TPCN1: variants seen among roughly 807,000 people sequenced by gnomAD.
The protein encoded by TPCN1 is two pore segment channel 1.
A neutral mutation model predicts 108.8 loss-of-function variants in TPCN1; 52 were observed. That is an observed-to-expected ratio of 0.48 (90% CI 0.38 to 0.60). The LOEUF (loss-of-function observed/expected upper bound fraction) is 0.60. Among genes scored for constraint, TPCN1 ranks in the 20% least tolerant of loss-of-function variants. The pLI is 0.00. For missense variants in TPCN1, 806 were observed against 1,072.8 expected (o/e 0.75, Z 3.47); for synonymous variants, 446 against 433.7 (o/e 1.03, Z -0.35).
At chr12:113,283,364 G>A (rs1460967481) in intron 15 of TPCN1, among the ~76,000 whole-genome samples, 1 of 152,148 alleles carries the variant, frequency 6.6e-6, no homozygotes, top group Non-Finnish European at 1.5e-5. Context: ...GCTGGGTGTG[G>A]TGGCTCACAC....
chr12:113,273,626 C>T lies in TPCN1; in HGVS notation c.900C>T (p.Phe300=), dbSNP rs1441184827. 6.2e-7 allele frequency: 1 copy of T among 1,614,214 alleles called. No individual in the cohort carries two copies. Among genetic ancestry groups the T allele is most frequent in the Non-Finnish European group, 8.5e-7 (1 of 1,180,024 alleles). Residue 300 remains phenylalanine (F), a synonymous_variant, in exon 10 of 28, where the codon TTC becomes TTT. Transcript: ENST00000335509. This position sits in a 1 kb window ranked among gnomAD's most constrained non-coding sequence, Gnocchi z 4.0. The part of the protein sequence containing the change: ...YSRNPWSCVF[F]IVYLSIELYF... ...GGAACCCCTGGTCCTGCGTCTTCTTCATCGTGTACCTCTCCATCGAGCTGT... is the reference window on the plus strand; with the variant it reads ...GGAACCCCTGGTCCTGCGTCTTCTTTATCGTGTACCTCTCCATCGAGCTGT...
rs1955373379 is a variant in TPCN1, at chr12:113,268,678, C to G, written c.529-64C>G. On this transcript the variant is annotated intron_variant, in intron 5 of 27. Coordinates refer to ENST00000335509, the MANE Select transcript of TPCN1 (RefSeq NM_017901.6). This position sits in a 1 kb window ranked among gnomAD's most constrained non-coding sequence, Gnocchi z 7.3. ...GGCACTGCCTCTCCAGCCCCCCGTT[C>G]CAGGTATGCAGGATGACGGCTGGGC... 6.3e-7 allele frequency: 1 copy of G among 1,594,520 alleles called. No homozygotes were observed. The highest frequency in any genetic ancestry group is 1.1e-5 in the South Asian group (1 of 89,670).
intron 2 of TPCN1, among the ~76,000 whole-genome samples, chr12:113,237,283 C>G (rs531811359): frequency 6.6e-6 from 1 of 151,142 alleles, no homozygotes; most frequent in Non-Finnish European, 1.5e-5. Flanking sequence ...ATTTTTCTCT[C>G]TGTGTCTGTC....
At chr12:113,277,174 C>A in intron 11 of TPCN1, 66 bp from the exon 12 acceptor site, 1 of 1,609,290 alleles carries the variant, frequency 6.2e-7, no homozygotes, top group South Asian at 1.1e-5. Context: ...TGGAGTGGAT[C>A]TGGAGTGGGT....
Position 113,272,885 on chromosome 12 carries a change from A to G in TPCN1, c.783+193A>G, listed in dbSNP as rs1277257201. Among the ~76,000 whole-genome samples, 1 of 152,120 alleles carries G rather than the reference A, an allele frequency of 6.6e-6. No homozygotes were observed. Among genetic ancestry groups the G allele is most frequent in the Non-Finnish European group, 1.5e-5 (1 of 68,034 alleles). On this transcript the variant is annotated intron_variant, in intron 8 of 27. Coordinates refer to ENST00000335509, the MANE Select transcript of TPCN1 (RefSeq NM_017901.6). This position sits in a 1 kb window ranked among gnomAD's most constrained non-coding sequence, Gnocchi z 4.1. ...CCACTTTCTTCCTTGAGAGCTGGGG[A>G]TCCCCTTTTCTGTTCTTGAAAGGAG... is the stretch of plus-strand genomic sequence containing the variant.
At position 113,269,735 on chromosome 12, in the gene TPCN1, G is replaced by C. The variant is rs1386962206; in HGVS notation, c.660-22G>C. The stretch of plus-strand genomic sequence containing the variant: ...GCCCGCCCCAGCTGGTGCCTCCCCT[G>C]AGCTGGCCCATCTCTCCCCAGCAAC... On this transcript the variant is annotated intron_variant, in intron 6 of 27. Transcript: ENST00000335509. This position sits in a 1 kb window ranked among gnomAD's most constrained non-coding sequence, Gnocchi z 5.0. The C allele has an allele frequency of 6.2e-7, 1 of 1,610,696 alleles. No individual in the cohort carries two copies. Among genetic ancestry groups the C allele is most frequent in the Non-Finnish European group, 8.5e-7 (1 of 1,178,656 alleles).
intron 2 of TPCN1, among the ~76,000 whole-genome samples, chr12:113,233,721 C>A (rs1357882994): frequency 6.6e-6 from 1 of 152,206 alleles, no homozygotes; most frequent in Non-Finnish European, 1.5e-5. Context: ...GTGTGTCAGG[C>A]GGTATCCAAA....
At chr12:113,256,181 C>A (rs1030537357) in intron 2 of TPCN1, among the ~76,000 whole-genome samples, 2 of 152,084 alleles carry the variant, frequency 1.3e-5, no homozygotes, top group Non-Finnish European at 2.9e-5. Flanking sequence ...CTATATTCCC[C>A]AGGCTAGGTT....
chr12:113,291,772 G>C, intron 24 of TPCN1, 95 bp downstream of exon 24: 2 of 1,564,778 alleles, frequency 1.3e-6, no homozygotes, highest in Non-Finnish European at 1.8e-6. Context: ...AGTGGGGCTG[G>C]GTCCCATCTG....
intron 2 of TPCN1, among the ~76,000 whole-genome samples, chr12:113,233,842 T>TGG (rs1275274225): frequency 2.0e-5 from 3 of 152,144 alleles, no homozygotes; most frequent in Admixed American, 6.6e-5. Context: ...GGTTGAAACT[T>TGG]ATCCAAGGTC....
chr12:113,270,488 T>TG (rs1955451157), intron 7 of TPCN1, among the ~76,000 whole-genome samples: 3 of 151,408 alleles, frequency 2.0e-5, no homozygotes, highest in African/African-American at 7.3e-5. Context: ...TTGTTTTGTT[T>TG]TTTTTTTTTT....
Position 113,267,974 on chromosome 12 carries a change from C to T in TPCN1, c.528+18C>T, listed in dbSNP as rs1365512435. Reference sequence around the variant, plus strand: ...TGGTCAAGGTGATGTGTCCGCCCATCTGTCCCTCCCCTCACAGCCTTTTCT... The same window carrying T: ...TGGTCAAGGTGATGTGTCCGCCCATTTGTCCCTCCCCTCACAGCCTTTTCT... On this transcript the variant is annotated intron_variant, in intron 5 of 27. Coordinates refer to ENST00000335509, the MANE Select transcript of TPCN1 (RefSeq NM_017901.6). 1 of 1,543,196 alleles carries T rather than the reference C, an allele frequency of 6.5e-7. No homozygotes were observed. The highest frequency in any genetic ancestry group is 8.9e-7 in the Non-Finnish European group (1 of 1,120,422).
Position 113,266,115 on chromosome 12 carries a change from C to CG in TPCN1, c.238-63dup. On this transcript the variant is annotated intron_variant, in intron 3 of 27. Coordinates refer to ENST00000335509, the MANE Select transcript of TPCN1 (RefSeq NM_017901.6). The surrounding 1 kb of genome is among the most constrained non-coding windows in gnomAD (Gnocchi z 4.2). ...GGGCCTTCCTTTCCTCCCCTGCCCG[C>CG]GGCTCCTCTTTGGCGTTGGATGGGT... 6.4e-7 allele frequency: 1 copy of CG among 1,567,558 alleles called. No homozygotes were observed. Among genetic ancestry groups the CG allele is most frequent in the Non-Finnish European group, 8.7e-7 (1 of 1,147,088 alleles).
chr12:113,237,479 C>T (rs1953940169), intron 2 of TPCN1, among the ~76,000 whole-genome samples: 1 of 152,170 alleles, frequency 6.6e-6, no homozygotes, highest in South Asian at 2.1e-4. Flanking sequence ...GCCCCAGCCT[C>T]CCCAGTAGCT....
chr12:113,258,674 A>G (rs1338071620), intron 2 of TPCN1, among the ~76,000 whole-genome samples: 1 of 152,124 alleles, frequency 6.6e-6, no homozygotes, highest in Non-Finnish European at 1.5e-5. Flanking sequence ...CTAGCTGCTC[A>G]GGAGGCTGAA....
chr12:113,295,974 G>T lies in TPCN1; in HGVS notation c.2349G>T (p.Glu783Asp). ...YQEEIQEWYE[E>D]HAREQEQQRQ... ...CTCTTCTCCAGGAGTGGTATGAGGA[G>T]CATGCCAGGGAGCAAGAGCAGCAGC... The change falls in exon 28 of 28, where the codon GAG becomes GAT. Residue 783 changes from glutamate to aspartate, a missense_variant. Physicochemically the swap from Glu to Asp is conservative, Grantham distance 45 (BLOSUM62 2). Coordinates refer to ENST00000335509, the MANE Select transcript of TPCN1 (RefSeq NM_017901.6). 6.2e-7 allele frequency: 1 copy of T among 1,607,446 alleles called. No individual in the cohort carries two copies. Among genetic ancestry groups the T allele is most frequent in the Non-Finnish European group, 8.5e-7 (1 of 1,177,568 alleles).
intron 19 of TPCN1, among the ~76,000 whole-genome samples, chr12:113,287,774 G>A (rs751138451): frequency 4.6e-5 from 7 of 151,984 alleles, no homozygotes; most frequent in East Asian, 1.9e-4. Context: ...CCTCCGTCCC[G>A]CCCCCTGCCA....
rs930208651 is a variant in TPCN1, at chr12:113,232,924, C to G, written c.112+5960C>G. On this transcript the variant is annotated intron_variant, in intron 2 of 27. Transcript: ENST00000335509. The surrounding 1 kb of genome is among the most constrained non-coding windows in gnomAD (Gnocchi z 5.6). Reference sequence around the variant, plus strand: ...ACGCCTCCGTGTAGCAGCTGGAGACCAAGCAGCAATTAGATTTTCACAGGC... The same window carrying G: ...ACGCCTCCGTGTAGCAGCTGGAGACGAAGCAGCAATTAGATTTTCACAGGC... Among the ~76,000 whole-genome samples the G allele has an allele frequency of 1.3e-5, 2 of 152,210 alleles. No homozygotes were observed. Among genetic ancestry groups the G allele is most frequent in the African/African-American group, 4.8e-5 (2 of 41,456 alleles).
At chr12:113,240,636 A>G (rs1250780698) in intron 2 of TPCN1, among the ~76,000 whole-genome samples, 1 of 151,510 alleles carries the variant, frequency 6.6e-6, no homozygotes, top group Non-Finnish European at 1.5e-5. Flanking sequence ...GGTAGTTTGC[A>G]TTTTCTGAAG....
Sources: allele counts gnomAD v4.1 joint callset (sites outside exome capture counted in the v4.1 genomes callset), GRCh38; gene constraint gnomAD v4.1.1; non-coding constraint Gnocchi (gnomAD v3.1); transcripts MANE v1.5; gene names NCBI Gene and HGNC (gene_info 2026-07-23, HGNC 2026-07-21).